The following PICALM variants were observed in gnomAD, a reference collection of about 807,000 sequenced individuals.
PICALM encodes phosphatidylinositol binding clathrin assembly protein.
A neutral mutation model predicts 80.5 loss-of-function variants in PICALM; 40 were observed. That is an observed-to-expected ratio of 0.50 (90% CI 0.39 to 0.65). The LOEUF is 0.65. PICALM is among the 30% of genes least tolerant of loss of function. The pLI, the probability that PICALM is intolerant of heterozygous loss-of-function variation, is 0.00. For missense variants in PICALM, 676 were observed against 778.9 expected, an observed-to-expected ratio of 0.87 and a Z score of 1.57; for synonymous variants, 288 against 260.3, an observed-to-expected ratio of 1.11 and a Z score of -1.02.
At chr11:86,048,876 C>G (rs2096126364) in intron 1 of PICALM, among the ~76,000 whole-genome samples, 1 of 149,970 alleles carries the variant, frequency 6.7e-6, no homozygotes, top group South Asian at 2.1e-4. Context: ...GCCTGCTAAA[C>G]TGTAACTTTT....
chr11:86,049,364 T>A (rs2096136816), intron 1 of PICALM, among the ~76,000 whole-genome samples: 1 of 152,162 alleles, frequency 6.6e-6, no homozygotes, highest in African/African-American at 2.4e-5. Flanking sequence ...CCAGTTAACT[T>A]ATTTTATCTT....
intron 13 of PICALM, 62 bp downstream of exon 13, chr11:85,990,188 A>G (rs1282596641): frequency 3.5e-6 from 3 of 856,188 alleles, no homozygotes; most frequent in Non-Finnish European, 5.2e-6. Context: ...ATTAATGGAC[A>G]CGTAAAATAT....
chr11:85,973,635 A>G (rs999956717), intron 19 of PICALM, among the ~76,000 whole-genome samples: 2 of 152,160 alleles, frequency 1.3e-5, no homozygotes, highest in Admixed American at 6.5e-5. Context: ...GTCTTGGAAC[A>G]TATCCCCCAA....
chr11:86,026,417 C>CTT (rs1317454658), intron 2 of PICALM, 50 bp from the exon 3 acceptor site: 2 of 1,083,594 alleles, frequency 1.8e-6, no homozygotes, highest in Non-Finnish European at 2.8e-6. Flanking sequence ...CTCACCAACT[C>CTT]TAATTCGAAA....
chr11:86,064,526 T>G (rs886139770), intron 1 of PICALM, among the ~76,000 whole-genome samples: 1 of 151,342 alleles, frequency 6.6e-6, no homozygotes, highest in Non-Finnish European at 1.5e-5. Flanking sequence ...CTGTGCGTGG[T>G]AGCAGATGCC....
intron 1 of PICALM, among the ~76,000 whole-genome samples, chr11:86,067,991 A>G (rs2096469906): frequency 6.6e-6 from 1 of 152,240 alleles, no homozygotes; most frequent in Admixed American, 6.5e-5. Flanking sequence ...AATCTGAAAT[A>G]AAAGTCGGGT....
intron 4 of PICALM, among the ~76,000 whole-genome samples, chr11:86,019,126 T>A (rs911907144): frequency 6.6e-6 from 1 of 152,126 alleles, no homozygotes; most frequent in Non-Finnish European, 1.5e-5. Context: ...ATTACTTTTG[T>A]AAACATAAAA....
chr11:86,047,782 C>G (rs1328075923), intron 1 of PICALM, among the ~76,000 whole-genome samples: 1 of 152,112 alleles, frequency 6.6e-6, no homozygotes, highest in Non-Finnish European at 1.5e-5. Flanking sequence ...GGACAGGAAG[C>G]AACTTATTAG....
At chr11:86,047,644 G>A (rs1426308154) in intron 1 of PICALM, among the ~76,000 whole-genome samples, 1 of 152,110 alleles carries the variant, frequency 6.6e-6, no homozygotes, top group Non-Finnish European at 1.5e-5. Context: ...TAGCAGAAGG[G>A]GTAAACTACG....
intron 4 of PICALM, among the ~76,000 whole-genome samples, chr11:86,015,803 T>C (rs1369918767): frequency 2.6e-5 from 4 of 152,212 alleles, no homozygotes; most frequent in Non-Finnish European, 4.4e-5. Flanking sequence ...CCAAAAAATA[T>C]GTCAGGTTCC....
intron 18 of PICALM, among the ~76,000 whole-genome samples, chr11:85,975,342 TTTC>T (rs1213669591): frequency 2.0e-5 from 3 of 152,178 alleles, no homozygotes; most frequent in Non-Finnish European, 4.4e-5. Context: ...AGGTTAACTC[TTTC>T]TTGAGTAACT....
intron 17 of PICALM, 62 bp downstream of exon 17, chr11:85,981,067 T>C (rs142681055): frequency 5.1e-4 from 416 of 807,900 alleles, no homozygotes; most frequent in African/African-American, 3.2e-3. Context: ...AAAAACATTT[T>C]CATGTTACAT....
intron 17 of PICALM, among the ~76,000 whole-genome samples, chr11:85,980,400 A>G (rs2094406471): frequency 6.6e-6 from 1 of 152,226 alleles, no homozygotes; most frequent in Admixed American, 6.5e-5. Context: ...TAAAATAAAT[A>G]GAATATACTA....
At chr11:86,001,928 C>T (rs990084658) in intron 9 of PICALM, among the ~76,000 whole-genome samples, 1 of 152,262 alleles carries the variant, frequency 6.6e-6, no homozygotes, top group Admixed American at 6.5e-5. Flanking sequence ...TATTAATTTT[C>T]CTTTTACCAC....
At chr11:86,042,894 G>GA (rs2096000720) in intron 1 of PICALM, among the ~76,000 whole-genome samples, 1 of 151,928 alleles carries the variant, frequency 6.6e-6, no homozygotes, top group Non-Finnish European at 1.5e-5. Context: ...TACTATAAAG[G>GA]AAAAAACATT....
At chr11:86,029,053 G>A (rs1263786344) in intron 2 of PICALM, among the ~76,000 whole-genome samples, 2 of 151,782 alleles carry the variant, frequency 1.3e-5, no homozygotes, top group East Asian at 3.9e-4. Context: ...TGGTCACACT[G>A]GTCTCGAACT....
chr11:86,069,690 G>T (rs964573417), upstream of PICALM: 1 of 152,200 alleles, frequency 6.6e-6, no homozygotes, highest in African/African-American at 2.4e-5. Flanking sequence ...CTCTACCATG[G>T]AACTATTGAA....
intron 14 of PICALM, among the ~76,000 whole-genome samples, chr11:85,982,469 G>A (rs892272467): frequency 6.8e-5 from 8 of 116,968 alleles, no homozygotes; most frequent in African/African-American, 1.0e-4. Context: ...CGCCCAGGTC[G>A]GACTGCGGAC....
At chr11:86,035,947 CAAAAAAAAAAAAAAA>C (rs543040504) in intron 1 of PICALM, among the ~76,000 whole-genome samples, 1 of 66,508 alleles carries the variant, frequency 1.5e-5, no homozygotes, top group Non-Finnish European at 2.9e-5. Flanking sequence ...GACTCTGCCT[CAAAAAAAAAAAAAAA>C]AAAGAAAAAA....
Sources: allele counts gnomAD v4.1 joint callset (sites outside exome capture counted in the v4.1 genomes callset), GRCh38; gene constraint gnomAD v4.1.1; transcripts MANE v1.5; gene names NCBI Gene and HGNC (gene_info 2026-07-23, HGNC 2026-07-21).